Variants in SLC36A4 observed in about 807,000 individuals in gnomAD.
SLC36A4 encodes neutral amino acid uniporter 4.
SLC36A4 carries 49 observed loss-of-function variants against 50.5 expected under a neutral mutation model. The ratio of observed to expected loss-of-function variants is 0.97; its 90% CI spans 0.77 to 1.23. SLC36A4 has a LOEUF of 1.23. Ranked by LOEUF, SLC36A4 falls within the 50% of genes most tolerant of loss-of-function variation. The pLI, the probability that SLC36A4 is intolerant of heterozygous loss-of-function variation, is 0.00. For synonymous variants in SLC36A4, 207 were observed against 206.5 expected (o/e 1.00, Z -0.02); for missense variants, 611 against 608.4 (o/e 1.00, Z -0.05).
intron 1 of SLC36A4, among the ~76,000 whole-genome samples, chr11:93,194,860 A>G (rs777610723): frequency 6.6e-6 from 1 of 152,184 alleles, no homozygotes; most frequent in Non-Finnish European, 1.5e-5. Context: ...CCTACTTGAC[A>G]TGTGCACTTT....
Position 93,145,751 on chromosome 11 carries a change from T to A in SLC36A4, c.*2786A>T, listed in dbSNP as rs1201995437. ...GTGTGATGATCCAAAAGTGATGAGA[T>A]ACAAAATTTGACAGGTGCAATCACT... On this transcript the variant is annotated 3_prime_UTR_variant, in exon 11 of 11. Transcript: ENST00000326402. The A allele has an allele frequency of 1.3e-5, 2 of 152,088 alleles. No homozygotes were observed. Among genetic ancestry groups the A allele is most frequent in the Admixed American group, 1.3e-4 (2 of 15,256 alleles). 9.4% of individuals were successfully genotyped at this position (152,088 alleles called of 1,614,324 possible).
intron 8 of SLC36A4, among the ~76,000 whole-genome samples, chr11:93,163,224 C>A (rs1052912899): frequency 6.6e-6 from 1 of 152,100 alleles, no homozygotes; most frequent in African/African-American, 2.4e-5. Context: ...TTTTATATTA[C>A]GATAGTACAT....
intron 10 of SLC36A4, among the ~76,000 whole-genome samples, chr11:93,153,115 G>A (rs1239981438): frequency 1.3e-5 from 2 of 151,982 alleles, no homozygotes; most frequent in East Asian, 3.9e-4. Context: ...CTAGGCATGA[G>A]CTCCATGGCA....
Position 93,196,492 on chromosome 11 carries a change from G to A in SLC36A4, c.55+1286C>T, listed in dbSNP as rs981644542. 7.4e-4 allele frequency among the ~76,000 whole-genome samples: 113 copies of A among 151,952 alleles called. 1 individual carries two copies. Among genetic ancestry groups the A allele is most frequent in the Non-Finnish European group, 1.4e-3 (98 of 67,992 alleles). On this transcript the variant is annotated intron_variant, in intron 1 of 10. Transcript: ENST00000326402. ...CGCCATTCTCCTGCCTCAGCCACCC[G>A]AGTAGCTGGGACTACAGGCGCCCGC...
At chr11:93,195,041 G>A (rs1248041438) in intron 1 of SLC36A4, among the ~76,000 whole-genome samples, 1 of 151,778 alleles carries the variant, frequency 6.6e-6, no homozygotes, top group Non-Finnish European at 1.5e-5. Context: ...GCTTTCCTTA[G>A]GGCTGCTTGA....
chr11:93,160,856 A>T, intron 9 of SLC36A4: 2 of 700,424 alleles, frequency 2.9e-6, no homozygotes, highest in Non-Finnish European at 3.5e-6. Context: ...TATTAATATT[A>T]TTGAGACAAA....
Position 93,148,406 on chromosome 11 carries a change from A to C in SLC36A4, c.*131T>G. ...CTGGTAAAGAGTTATGATTACTTCC[A>C]AAATATTAATATCGTGCCAAAGAAA... On this transcript the variant is annotated 3_prime_UTR_variant, in exon 11 of 11. Coordinates refer to ENST00000326402, the MANE Select transcript of SLC36A4 (RefSeq NM_152313.4). 1.2e-6 allele frequency: 1 copy of C among 851,172 alleles called. No individual in the cohort carries two copies. The highest frequency in any genetic ancestry group is 1.7e-5 in the South Asian group (1 of 59,116). 52.7% of individuals were successfully genotyped at this position (851,172 alleles called of 1,614,324 possible).
chr11:93,177,514 T>G (rs1170839714), intron 6 of SLC36A4, among the ~76,000 whole-genome samples: 1 of 152,226 alleles, frequency 6.6e-6, no homozygotes, highest in Non-Finnish European at 1.5e-5. Context: ...CTGCGTTCCT[T>G]TGGCCTTTGA....
At chr11:93,174,621 C>T (rs1338256679) in intron 6 of SLC36A4, among the ~76,000 whole-genome samples, 2 of 139,876 alleles carry the variant, frequency 1.4e-5, no homozygotes, top group Non-Finnish European at 3.1e-5. Flanking sequence ...AAATACGTCC[C>T]ATCAATACCT....
chr11:93,188,699 T>C (rs1213213410), intron 1 of SLC36A4, among the ~76,000 whole-genome samples: 1 of 152,204 alleles, frequency 6.6e-6, no homozygotes, highest in Admixed American at 6.5e-5. Flanking sequence ...ATTTATTATG[T>C]TCACCTTCTG....
intron 9 of SLC36A4, among the ~76,000 whole-genome samples, chr11:93,157,701 T>C (rs1051518570): frequency 8.5e-5 from 13 of 152,198 alleles, no homozygotes; most frequent in African/African-American, 3.1e-4. Flanking sequence ...TGTTGATGTT[T>C]TTTGCACATT....
chr11:93,158,522 C>A (rs1388734190), intron 9 of SLC36A4, among the ~76,000 whole-genome samples: 1 of 151,836 alleles, frequency 6.6e-6, no homozygotes, highest in African/African-American at 2.4e-5. Context: ...TGGTGTGGAT[C>A]TTTTAGAAGT....
intron 9 of SLC36A4, chr11:93,160,883 C>G (rs1034967577): frequency 3.7e-6 from 2 of 547,906 alleles, no homozygotes; most frequent in African/African-American, 4.1e-5. Flanking sequence ...CTCTGTTTCC[C>G]AGGCTGGAGT....
At chr11:93,158,507 T>A (rs1860467195) in intron 9 of SLC36A4, among the ~76,000 whole-genome samples, 1 of 152,074 alleles carries the variant, frequency 6.6e-6, no homozygotes, top group Non-Finnish European at 1.5e-5. Context: ...AAATGGGAAA[T>A]AAAATGGTGT....
chr11:93,184,038 T>A (rs1861867980), intron 3 of SLC36A4, among the ~76,000 whole-genome samples: 1 of 152,124 alleles, frequency 6.6e-6, no homozygotes, highest in Non-Finnish European at 1.5e-5. Flanking sequence ...AAACTGTATA[T>A]TTGACTCTAA....
chr11:93,177,961 G>A (rs1861562481), intron 6 of SLC36A4, among the ~76,000 whole-genome samples: 2 of 152,184 alleles, frequency 1.3e-5, no homozygotes, highest in South Asian at 4.1e-4. Flanking sequence ...GCTATGCCCT[G>A]CCCCCAGAGG....
Position 93,165,988 on chromosome 11 carries a change from A to C in SLC36A4, c.797T>G (p.Ile266Arg). 1 of 1,611,144 alleles carries C rather than the reference A, an allele frequency of 6.2e-7. No individual in the cohort carries two copies. The highest frequency in any genetic ancestry group is 1.1e-5 in the South Asian group (1 of 90,556). Residue 266 changes from isoleucine to arginine, a missense_variant, in exon 8 of 11, where the codon ATA becomes AGA. By Grantham distance (97) the Ile-to-Arg change is moderately conservative. Transcript: ENST00000326402. ...RNMPDPHNLP[I>R]VAGWKKYPLF... ...TGGGTATTTCTTCCAACCAGCCACT[A>C]TTGGAAGGTTGTGGGGATCTGGCAT... is the stretch of plus-strand genomic sequence containing the variant.
intron 9 of SLC36A4, among the ~76,000 whole-genome samples, chr11:93,155,769 C>A (rs1424077191): frequency 6.6e-6 from 1 of 152,060 alleles, no homozygotes; most frequent in Non-Finnish European, 1.5e-5. Flanking sequence ...TGTTGTTCCC[C>A]TCCATGTGTC....
rs149186839 is a variant in SLC36A4 at position 93,183,822 on chromosome 11, C to T, written c.270+608G>A. On this transcript the variant is annotated intron_variant, in intron 3 of 10. Transcript: ENST00000326402. The stretch of plus-strand genomic sequence containing the variant: ...ACGCCATTCTCCTGCCTCAGCCTCC[C>T]GAGTAGCTGGGACTACAGGCATCCG... Among the ~76,000 whole-genome samples the T allele has an allele frequency of 3.0e-3, 449 of 152,062 alleles. 2 individuals carry two copies. Among genetic ancestry groups the T allele is most frequent in the African/African-American group, 0.01 (417 of 41,476 alleles).
Sources: gnomAD v4.1 joint callset for allele counts (sites outside exome capture counted in the v4.1 genomes callset) on GRCh38, gnomAD v4.1.1 for gene constraint, MANE v1.5 for transcripts, NCBI Gene and HGNC (gene_info 2026-07-23, HGNC 2026-07-21) for gene names.